Variants in DNAH11 observed in about 807,000 individuals in gnomAD.
The protein encoded by DNAH11 is dynein axonemal heavy chain 11.
DNAH11 carries 442 observed loss-of-function variants against 526.0 expected under a neutral mutation model. The ratio of observed to expected loss-of-function variants is 0.84; its 90% confidence interval spans 0.78 to 0.91. DNAH11 has a LOEUF of 0.91. Ranked by LOEUF, DNAH11 falls within the 40% of genes least tolerant of loss-of-function variation. DNAH11 has a pLI of 0.00. For synonymous variants in DNAH11, 2,461 were observed against 1,935.9 expected (o/e 1.27, Z -7.12); for missense variants, 6,989 against 5,448.7 (o/e 1.28, Z -8.90).
At chr7:21,563,389 T>C (rs1322007799) in intron 5 of DNAH11, among the ~76,000 whole-genome samples, 1 of 152,066 alleles carries the variant, frequency 6.6e-6, no homozygotes, top group Non-Finnish European at 1.5e-5. Context: ...TTAAGTTTTT[T>C]GTAGAGATGG....
intron 51 of DNAH11, among the ~76,000 whole-genome samples, chr7:21,747,002 T>A (rs955608518): frequency 5.9e-5 from 9 of 152,202 alleles, no homozygotes; most frequent in Admixed American, 2.6e-4. Flanking sequence ...GGTAAGGCTG[T>A]TTCTTTGATC....
intron 55 of DNAH11, among the ~76,000 whole-genome samples, 160 bp from the exon 56 acceptor site, chr7:21,773,606 T>A (rs1470243937): frequency 3.9e-5 from 6 of 152,178 alleles, no homozygotes; most frequent in African/African-American, 4.8e-5. Context: ...ATCTCCCAAA[T>A]CCTGTGGATA....
intron 28 of DNAH11, 28 bp from the exon 29 acceptor site, chr7:21,655,804 C>T (rs1340179908): frequency 1.3e-6 from 2 of 1,598,646 alleles, no homozygotes; most frequent in Admixed American, 1.7e-5. Flanking sequence ...AAGAAATGTT[C>T]TTATCTTTTC....
intron 30 of DNAH11, among the ~76,000 whole-genome samples, chr7:21,661,016 A>G (rs1467207662): frequency 6.6e-6 from 1 of 152,064 alleles, no homozygotes; most frequent in Non-Finnish European, 1.5e-5. Flanking sequence ...CTTATCAGGC[A>G]CTGCTCTAGG....
chr7:21,689,950 T>A (rs1218379544), intron 34 of DNAH11, among the ~76,000 whole-genome samples: 2 of 152,204 alleles, frequency 1.3e-5, no homozygotes, highest in Non-Finnish European at 2.9e-5. Flanking sequence ...GCAACCCACT[T>A]GGGTCCTCAC....
At chr7:21,852,733 C>G in intron 67 of DNAH11, 102 bp downstream of exon 67, 1 of 1,255,100 alleles carries the variant, frequency 8.0e-7, no homozygotes, top group Non-Finnish European at 1.1e-6. Flanking sequence ...CTAAGAGGAC[C>G]AGCGTGTGGA....
In DNAH11 at chr7:21,729,793, G is replaced by A. The variant is rs73275633; in HGVS notation, c.7440+3809G>A. Among the ~76,000 whole-genome samples, 456 of 152,194 alleles carry A rather than the reference G, an allele frequency of 3.0e-3. 2 individuals are homozygous for A. The highest frequency in any genetic ancestry group is 9.3e-3 in the African/African-American group (386 of 41,524). ...CAACAGTCTCTTCAATGCAATCTAG[G>A]CATTTTCTTGCCTGCACCTTAAAAC... On this transcript the variant is annotated intron_variant, in intron 45 of 81. Coordinates refer to ENST00000409508, the MANE Select transcript of DNAH11 (RefSeq NM_001277115.2).
intron 76 of DNAH11, among the ~76,000 whole-genome samples, chr7:21,889,314 G>T (rs1784246841): frequency 6.6e-6 from 1 of 152,158 alleles, no homozygotes; most frequent in Non-Finnish European, 1.5e-5. Flanking sequence ...CATTTGGGTT[G>T]TTTCTCCTTC....
At chr7:21,577,472 A>C (rs1451533165) in intron 8 of DNAH11, among the ~76,000 whole-genome samples, 1 of 152,148 alleles carries the variant, frequency 6.6e-6, no homozygotes, top group Non-Finnish European at 1.5e-5. Flanking sequence ...ACCATGTGGG[A>C]ATCCTGGATT....
intron 65 of DNAH11, among the ~76,000 whole-genome samples, chr7:21,823,282 G>C (rs770828103): frequency 6.6e-6 from 1 of 151,664 alleles, no homozygotes; most frequent in East Asian, 1.9e-4. Context: ...TTCCCCCCTC[G>C]GTTTTTTCCT....
intron 65 of DNAH11, among the ~76,000 whole-genome samples, chr7:21,828,352 A>C (rs1790395750): frequency 6.6e-6 from 1 of 152,216 alleles, no homozygotes; most frequent in Non-Finnish European, 1.5e-5. Flanking sequence ...GCTCTCCTAT[A>C]ATAGACTTCA....
At chr7:21,733,514 C>T (rs961853987) in intron 45 of DNAH11, among the ~76,000 whole-genome samples, 3 of 150,974 alleles carry the variant, frequency 2.0e-5, no homozygotes, top group Admixed American at 2.0e-4. Context: ...CAAGTATGAT[C>T]TAGCTGGTTG....
chr7:21,783,299 T>C (rs547949738), intron 57 of DNAH11, among the ~76,000 whole-genome samples: 2 of 152,150 alleles, frequency 1.3e-5, no homozygotes, highest in African/African-American at 4.8e-5. Flanking sequence ...GAACCAATTA[T>C]GTTTATAAAA....
Position 21,814,568 on chromosome 7 carries a change from A to T in DNAH11, c.10333-1899A>T, listed in dbSNP as rs1238149692. ...GTGTGATGTTCCCCTTCCTGTGTCC[A>T]TGTGATCTCCTTGTTCAATTCCCAC... On this transcript the variant is annotated intron_variant, in intron 63 of 81. Transcript: ENST00000409508. 3.1e-5 allele frequency among the ~76,000 whole-genome samples: 4 copies of T among 129,686 alleles called. No individual in the cohort carries two copies. The Admixed American group carries it at 3.9e-4, about 13-fold the overall frequency. The allele number at this position is 129,686 out of a possible 152,430, so 85.1% of individuals were successfully genotyped here. A position where few individuals can be genotyped will look rare whatever the true frequency, so the allele number is the denominator to read the frequency against.
intron 3 of DNAH11, 80 bp from the exon 4 acceptor site, chr7:21,559,523 G>T: frequency 8.9e-7 from 1 of 1,128,286 alleles, no homozygotes; most frequent in Non-Finnish European, 1.2e-6. Context: ...GTTTATGGAT[G>T]CCTAAAATAA....
At chr7:21,895,657 A>G (rs1370967917) in intron 79 of DNAH11, among the ~76,000 whole-genome samples, 1 of 152,188 alleles carries the variant, frequency 6.6e-6, no homozygotes, top group Non-Finnish European at 1.5e-5. Flanking sequence ...TCATTATTCC[A>G]TGAACCTCAA....
rs1415369353 is a variant in DNAH11 at position 21,589,230 on chromosome 7, G to T, written c.1996G>T (p.Ala666Ser). The T allele has an allele frequency of 1.9e-6, 3 of 1,608,090 alleles. No individual in the cohort carries two copies. Among genetic ancestry groups the T allele is most frequent in the Non-Finnish European group, 2.5e-6 (3 of 1,178,294 alleles). Reference protein sequence around the residue: ...RYLFLGNPDHALVYQKYVEMT... With the variant: ...RYLFLGNPDHSLVYQKYVEMT... Reference sequence around the variant, plus strand: ...CAGATTTTTGGGCAATCCTGATCACGCTTTAGTTTATCAAAAGTATGTTGA... The same window carrying T: ...CAGATTTTTGGGCAATCCTGATCACTCTTTAGTTTATCAAAAGTATGTTGA... Residue 666 changes from alanine to serine, a missense_variant, in exon 12 of 82, where the codon GCT (alanine) becomes TCT (serine). By Grantham distance (99) the Ala-to-Ser change is moderately conservative. Coordinates refer to ENST00000409508, the MANE Select transcript of DNAH11 (RefSeq NM_001277115.2).
At chr7:21,791,431 C>G (rs1317268910) in intron 61 of DNAH11, among the ~76,000 whole-genome samples, 1 of 152,174 alleles carries the variant, frequency 6.6e-6, no homozygotes, top group Non-Finnish European at 1.5e-5. Flanking sequence ...ACTTGATCCC[C>G]CATCTCTAGA....
chr7:21,616,248 A>G lies in DNAH11; in HGVS notation c.4051A>G (p.Ile1351Val), dbSNP rs1182960053. ...DNWTKTQWRQ[I>V]HVEQMDVELR... is the part of the protein sequence containing the mutation. ...TTGGACTAAAACCCAGTGGAGACAG[A>G]TTCATGTGGAACAGATGGATGTAGA... Residue 1351 changes from isoleucine (I) to valine (V), a missense_variant, in exon 22 of 82, where the codon ATT becomes GTT. Ile to Val is a conservative substitution (Grantham distance 29). Transcript: ENST00000409508. 1 of 1,613,660 alleles carries G rather than the reference A, an allele frequency of 6.2e-7. No homozygotes were observed. Among genetic ancestry groups the G allele is most frequent in the Non-Finnish European group, 8.5e-7 (1 of 1,179,696 alleles).
Sources: gnomAD v4.1 joint callset for allele counts (sites outside exome capture counted in the v4.1 genomes callset) on GRCh38, gnomAD v4.1.1 for gene constraint, MANE v1.5 for transcripts, NCBI Gene and HGNC (gene_info 2026-07-23, HGNC 2026-07-21) for gene names.